Variants in PTPRT observed in about 807,000 individuals in gnomAD.
PTPRT encodes the protein receptor-type tyrosine-protein phosphatase T.
In PTPRT, 56 loss-of-function variants were observed where a neutral mutation model predicts 176.8. That is an observed-to-expected ratio of 0.32 (90% confidence interval 0.26 to 0.40). The LOEUF (loss-of-function observed/expected upper bound fraction) is 0.40. Ranked by LOEUF, PTPRT falls within the 10% of genes least tolerant of loss-of-function variation. The pLI is 1.00. For missense variants in PTPRT, 1,540 were observed against 1,908.2 expected, an observed-to-expected ratio of 0.81 and a Z score of 3.60; for synonymous variants, 783 against 739.0, an observed-to-expected ratio of 1.06 and a Z score of -0.96.
At chr20:42,299,194 CTTTTAGAACCACGTTATAATGT>C (rs1226504957) in intron 12 of PTPRT, among the ~76,000 whole-genome samples, 2 of 151,978 alleles carry the variant, frequency 1.3e-5, no homozygotes, top group South Asian at 2.1e-4. Flanking sequence ...TACAGCTAGG[CTTTTAGAACCACGTTATAATGT>C]TTTTAGAACC....
intron 1 of PTPRT, among the ~76,000 whole-genome samples, chr20:43,038,402 A>G (rs1448989269): frequency 6.6e-6 from 1 of 152,204 alleles, no homozygotes; most frequent in Non-Finnish European, 1.5e-5. Flanking sequence ...AGGTCAATTG[A>G]GTAAAACCAC....
At position 42,073,634 on chromosome 20, in the gene PTPRT, C is replaced by CTGTT. The variant is rs1600443775; in HGVS notation, c.*7241_*7244dup. On this transcript the variant is annotated 3_prime_UTR_variant, in exon 31 of 31. Transcript: ENST00000373187. Reference sequence around the variant, plus strand: ...GGGTATTGGGTCTATGGCAAAGCAGCTGTTCCCTATGGTTTGCTGTTTGGT... The same window carrying CTGTT: ...GGGTATTGGGTCTATGGCAAAGCAGCTGTTTGTTCCCTATGGTTTGCTGTTTGGT... 8.5e-5 allele frequency: 18 copies of CTGTT among 211,474 alleles called. No individual in the cohort carries two copies. In the East Asian group the frequency reaches 1.3e-3, roughly 15 times the overall value. The allele number at this position is 211,474 out of a possible 1,614,324, so 13.1% of individuals were successfully genotyped here. A position where few individuals can be genotyped will look rare whatever the true frequency, so the allele number is the denominator to read the frequency against.
At chr20:42,517,707 C>T (rs1394279130) in intron 7 of PTPRT, among the ~76,000 whole-genome samples, 1 of 151,944 alleles carries the variant, frequency 6.6e-6, no homozygotes, top group African/African-American at 2.4e-5. Flanking sequence ...TTAAGTTCTA[C>T]ATATTTTCCA....
chr20:42,625,912 C>T (rs1267642030), intron 7 of PTPRT, among the ~76,000 whole-genome samples: 1 of 129,442 alleles, frequency 7.7e-6, no homozygotes, highest in Non-Finnish European at 1.7e-5. Flanking sequence ...ATGAAAAGTT[C>T]CATTTTGTAG....
At chr20:42,256,318 C>T (rs933374288) in intron 13 of PTPRT, among the ~76,000 whole-genome samples, 1 of 152,100 alleles carries the variant, frequency 6.6e-6, no homozygotes, top group Non-Finnish European at 1.5e-5. Flanking sequence ...GGCAGGAGAG[C>T]ATCTGGATAC....
At chr20:42,493,353 T>G (rs1312687455) in intron 7 of PTPRT, among the ~76,000 whole-genome samples, 1 of 152,080 alleles carries the variant, frequency 6.6e-6, no homozygotes, top group African/African-American at 2.4e-5. Context: ...TTTGGAGGAC[T>G]TTGAGGGGTT....
intron 2 of PTPRT, among the ~76,000 whole-genome samples, chr20:42,869,116 T>C (rs1008649716): frequency 2.0e-5 from 3 of 152,188 alleles, no homozygotes; most frequent in African/African-American, 7.2e-5. Flanking sequence ...GGCAGAGAAC[T>C]GCCAGGGTGG....
intron 1 of PTPRT, among the ~76,000 whole-genome samples, chr20:43,046,098 G>A (rs554417467): frequency 6.6e-6 from 1 of 152,162 alleles, no homozygotes; most frequent in African/African-American, 2.4e-5. Context: ...AGATTTTATT[G>A]CAAGTGCAAA....
At chr20:42,963,994 T>A (rs949925972) in intron 1 of PTPRT, among the ~76,000 whole-genome samples, 1 of 152,110 alleles carries the variant, frequency 6.6e-6, no homozygotes. Flanking sequence ...TTTGTAACCC[T>A]TTAGAAATGT....
intron 15 of PTPRT, among the ~76,000 whole-genome samples, chr20:42,204,701 G>A (rs2055408647): frequency 6.6e-6 from 1 of 152,146 alleles, no homozygotes; most frequent in South Asian, 2.1e-4. Flanking sequence ...GGCAGGGGAT[G>A]GGCCCAGGAT....
intron 13 of PTPRT, among the ~76,000 whole-genome samples, chr20:42,264,358 C>T (rs1324229209): frequency 6.6e-6 from 1 of 152,192 alleles, no homozygotes; most frequent in Non-Finnish European, 1.5e-5. Flanking sequence ...TACCAATAGC[C>T]TTGTGTCTGT....
Position 42,432,277 on chromosome 20 carries a change from G to A in PTPRT, c.1560+15943C>T, listed in dbSNP as rs187134840. Among the ~76,000 whole-genome samples, 181 of 152,304 alleles carry A rather than the reference G, an allele frequency of 1.2e-3. 2 individuals carry two copies. The highest frequency in any genetic ancestry group is 4.1e-3 in the African/African-American group (170 of 41,568). ...GGAGGCTGCTGAATCAAACCTGCTT[G>A]CAAGAGTCTTGACACATTCTCTGCA... On this transcript the variant is annotated intron_variant, in intron 9 of 30. Transcript: ENST00000373187.
At chr20:42,502,758 A>G (rs747910990) in intron 7 of PTPRT, among the ~76,000 whole-genome samples, 2 of 152,102 alleles carry the variant, frequency 1.3e-5, no homozygotes, top group African/African-American at 2.4e-5. Context: ...TGCTCTGAAC[A>G]TTCATGTATT....
chr20:42,082,669 G>A (rs1330565403), intron 29 of PTPRT, among the ~76,000 whole-genome samples: 1 of 152,198 alleles, frequency 6.6e-6, no homozygotes, highest in East Asian at 1.9e-4. Context: ...CTGATCTTGA[G>A]TCTAGGGATA....
intron 13 of PTPRT, among the ~76,000 whole-genome samples, chr20:42,269,423 T>C (rs776118727): frequency 5.9e-5 from 9 of 152,288 alleles, no homozygotes; most frequent in South Asian, 4.2e-4. Context: ...GGGCAAGGAC[T>C]TTGAGAGAGG....
rs376526775 is a variant in PTPRT at position 43,048,585 on chromosome 20, A to G, written c.88+141061T>C. Among the ~76,000 whole-genome samples, 332 of 152,264 alleles carry G rather than the reference A, an allele frequency of 2.2e-3. 2 individuals carry two copies. Among genetic ancestry groups the G allele is most frequent in the African/African-American group, 7.7e-3 (321 of 41,544 alleles). ...AGGCAGTGGGCCAAGGGGGTGGGAAACAGCAGATATTTGAGAGAGGCTAAG... is the reference window on the plus strand; with the variant it reads ...AGGCAGTGGGCCAAGGGGGTGGGAAGCAGCAGATATTTGAGAGAGGCTAAG... On this transcript the variant is annotated intron_variant, in intron 1 of 30. Coordinates refer to ENST00000373187, the MANE Select transcript of PTPRT (RefSeq NM_007050.6).
chr20:43,008,207 T>C (rs1441705091), intron 1 of PTPRT, among the ~76,000 whole-genome samples: 2 of 151,850 alleles, frequency 1.3e-5, no homozygotes, highest in Non-Finnish European at 2.9e-5. Context: ...AATGAGATAA[T>C]GAAAGTGAAG....
At chr20:42,917,816 T>C (rs149344252) in intron 1 of PTPRT, among the ~76,000 whole-genome samples, 1 of 152,266 alleles carries the variant, frequency 6.6e-6, no homozygotes, top group East Asian at 1.9e-4. Context: ...GGGATGGAGA[T>C]AGTTAGCTCT....
At chr20:42,263,621 C>T (rs898862585) in intron 13 of PTPRT, among the ~76,000 whole-genome samples, 41 of 151,242 alleles carry the variant, frequency 2.7e-4, no homozygotes, top group African/African-American at 7.8e-4. Context: ...CCTCATGATC[C>T]GCCCACCTTG....
Sources: allele counts gnomAD v4.1 joint callset (sites outside exome capture counted in the v4.1 genomes callset), GRCh38; gene constraint gnomAD v4.1.1; transcripts MANE v1.5; gene names NCBI Gene and HGNC (gene_info 2026-07-23, HGNC 2026-07-21).